Variants in STK33 observed in about 807,000 individuals in gnomAD.
The protein encoded by STK33 is serine/threonine-protein kinase 33.
In STK33, 52 loss-of-function variants were observed where a neutral mutation model predicts 58.0. The observed-to-expected ratio is 0.90, with a 90% CI of 0.72 to 1.13. The LOEUF (loss-of-function observed/expected upper bound fraction) is 1.13, where lower values mean the gene tolerates loss of function less well. STK33 is among the 50% of genes most tolerant of loss of function. STK33 has a pLI of 0.00. For missense variants in STK33, 630 were observed against 604.2 expected, an observed-to-expected ratio of 1.04 and a Z score of -0.45; for synonymous variants, 215 against 200.1, an observed-to-expected ratio of 1.07 and a Z score of -0.63.
At chr11:8,413,307 T>A (rs919706392) in intron 15 of STK33, among the ~76,000 whole-genome samples, 188 bp downstream of exon 15, 2 of 152,206 alleles carry the variant, frequency 1.3e-5, no homozygotes, top group African/African-American at 2.4e-5. Flanking sequence ...TCACCAACCT[T>A]AAAATAAACA....
intron 1 of STK33, among the ~76,000 whole-genome samples, chr11:8,540,644 GAA>G (rs896604563): frequency 6.6e-6 from 1 of 151,914 alleles, no homozygotes; most frequent in African/African-American, 2.4e-5. Context: ...GACACAGAAA[GAA>G]AAACATCACA....
chr11:8,528,235 TCTTTC>T (rs1030149683), intron 1 of STK33, among the ~76,000 whole-genome samples: 7 of 152,248 alleles, frequency 4.6e-5, no homozygotes, highest in African/African-American at 1.7e-4. Flanking sequence ...TTTTGTTTTT[TCTTTC>T]CTTTCCTATA....
chr11:8,358,981 G>T, the STK33 span, among the ~76,000 whole-genome samples: 1 of 152,198 alleles, frequency 6.6e-6, no homozygotes, highest in Non-Finnish European at 1.5e-5. Context: ...GAAGCGCGGG[G>T]ATGAGCCCAC....
chr11:8,550,521 A>G (rs1050207896), intron 1 of STK33, among the ~76,000 whole-genome samples: 6 of 152,128 alleles, frequency 3.9e-5, no homozygotes, highest in African/African-American at 4.8e-5. Flanking sequence ...ATAAAACTGA[A>G]TATCTTTAAC....
intron 1 of STK33, among the ~76,000 whole-genome samples, chr11:8,524,640 G>T (rs1003062854): frequency 6.6e-6 from 1 of 151,982 alleles, no homozygotes; most frequent in African/African-American, 2.4e-5. Flanking sequence ...ATGTTTTTGT[G>T]ACCAGAAATA....
the STK33 span, among the ~76,000 whole-genome samples, chr11:8,344,359 G>T: frequency 6.6e-6 from 1 of 152,130 alleles, no homozygotes; most frequent in South Asian, 2.1e-4. Flanking sequence ...TCCAACCTGG[G>T]TGACAGAGCG....
intron 1 of STK33, among the ~76,000 whole-genome samples, chr11:8,576,820 C>T (rs1030456261): frequency 3.9e-5 from 6 of 152,146 alleles, no homozygotes; most frequent in Admixed American, 3.9e-4. Flanking sequence ...TGCCAAACTC[C>T]TAACAACAAT....
intron 15 of STK33, among the ~76,000 whole-genome samples, chr11:8,398,089 C>G (rs957569576): frequency 6.6e-6 from 1 of 152,120 alleles, no homozygotes; most frequent in African/African-American, 2.4e-5. Flanking sequence ...GGCCAACATT[C>G]AAATTCAGGA....
chr11:8,576,263 T>C (rs572131002), intron 1 of STK33, among the ~76,000 whole-genome samples: 1 of 152,300 alleles, frequency 6.6e-6, no homozygotes, highest in East Asian at 1.9e-4. Flanking sequence ...GATCATACTT[T>C]GCATGGACAA....
the STK33 span, among the ~76,000 whole-genome samples, chr11:8,377,261 C>A: frequency 6.6e-6 from 1 of 152,252 alleles, no homozygotes; most frequent in Admixed American, 6.5e-5. Context: ...AGGGCCATTG[C>A]AGACCCCTTA....
At chr11:8,441,886 C>A (rs1406151617) in intron 11 of STK33, among the ~76,000 whole-genome samples, 4 of 152,096 alleles carry the variant, frequency 2.6e-5, no homozygotes, top group Non-Finnish European at 5.9e-5. Flanking sequence ...AAGCATTTGA[C>A]TCCCTTTGCC....
intron 1 of STK33, among the ~76,000 whole-genome samples, chr11:8,488,845 G>C (rs1363217125): frequency 6.6e-6 from 1 of 152,048 alleles, no homozygotes; most frequent in Non-Finnish European, 1.5e-5. Flanking sequence ...CCATACAGAA[G>C]GAAAACAAAG....
intron 11 of STK33, 113 bp from the exon 12 acceptor site, chr11:8,440,866 G>GA: frequency 2.8e-6 from 3 of 1,068,254 alleles, no homozygotes; most frequent in Non-Finnish European, 4.0e-6. Context: ...CCCCCATAGG[G>GA]AAAAGAGAAC....
At chr11:8,448,775 T>G (rs1591151617) in intron 11 of STK33, among the ~76,000 whole-genome samples, 1 of 152,144 alleles carries the variant, frequency 6.6e-6, no homozygotes, top group Non-Finnish European at 1.5e-5. Context: ...AAGCCAAAAT[T>G]GACAAATGGG....
At chr11:8,367,424 G>A in the STK33 span, among the ~76,000 whole-genome samples, 2 of 152,196 alleles carry the variant, frequency 1.3e-5, no homozygotes, top group Admixed American at 1.3e-4. Flanking sequence ...GAGATATGGG[G>A]ACCACAGGCT....
intron 1 of STK33, among the ~76,000 whole-genome samples, chr11:8,564,596 A>G (rs1957329823): frequency 6.6e-6 from 1 of 152,222 alleles, no homozygotes; most frequent in South Asian, 2.1e-4. Flanking sequence ...CAACTTCAGA[A>G]GAAAAGACTG....
intron 1 of STK33, among the ~76,000 whole-genome samples, chr11:8,566,746 A>G (rs573604777): frequency 1.3e-5 from 2 of 152,358 alleles, no homozygotes; most frequent in South Asian, 4.1e-4. Context: ...GAAATTTTGC[A>G]CTAAGAAAGC....
chr11:8,467,809 G>A (rs1006652537), intron 6 of STK33, among the ~76,000 whole-genome samples: 1 of 152,150 alleles, frequency 6.6e-6, no homozygotes, highest in African/African-American at 2.4e-5. Context: ...GCTGGGTGTG[G>A]TGGCCTGTGC....
intron 1 of STK33, among the ~76,000 whole-genome samples, chr11:8,589,189 T>C (rs2032202087): frequency 6.6e-6 from 1 of 152,198 alleles, no homozygotes; most frequent in South Asian, 2.1e-4. Context: ...TGATAATATA[T>C]GTTCACACAA....
Sources: allele counts gnomAD v4.1 joint callset (sites outside exome capture counted in the v4.1 genomes callset), GRCh38; gene constraint gnomAD v4.1.1; transcripts MANE v1.5; gene names NCBI Gene and HGNC (gene_info 2026-07-23, HGNC 2026-07-21).